ZNF366: variants seen among roughly 807,000 people sequenced by gnomAD.
ZNF366 encodes the protein zinc finger protein 366, also known as dendritic cell-specific transcript protein.
In ZNF366, 20 loss-of-function variants were observed where a neutral mutation model predicts 47.2. The observed-to-expected ratio is 0.42, with a 90% CI of 0.30 to 0.62. ZNF366 has a LOEUF of 0.62. ZNF366 is among the 20% of genes least tolerant of loss of function. The pLI is 0.16. For synonymous variants in ZNF366, 421 were observed against 395.1 expected (o/e 1.07, Z -0.78); for missense variants, 987 against 976.3 (o/e 1.01, Z -0.15).
At chr5:72,451,224 G>A (rs1256981646) in intron 3 of ZNF366, among the ~76,000 whole-genome samples, 1 of 152,258 alleles carries the variant, frequency 6.6e-6, no homozygotes, top group Non-Finnish European at 1.5e-5. Context: ...CCACCAGCGT[G>A]CCCCCGCTTG....
At chr5:72,490,493 G>A (rs1034331190) in intron 1 of ZNF366, among the ~76,000 whole-genome samples, 4 of 152,168 alleles carry the variant, frequency 2.6e-5, no homozygotes, top group African/African-American at 9.7e-5. Flanking sequence ...CCTGGGAGAG[G>A]AGACATGCTG....
chr5:72,493,964 G>A (rs921125467), intron 1 of ZNF366, among the ~76,000 whole-genome samples: 3 of 138,540 alleles, frequency 2.2e-5, no homozygotes, highest in Non-Finnish European at 3.1e-5. Context: ...GTAGAGGTGG[G>A]GTTTCACCAT....
At chr5:72,450,847 C>T (rs569238192) in intron 3 of ZNF366, among the ~76,000 whole-genome samples, 8 of 152,282 alleles carry the variant, frequency 5.3e-5, no homozygotes, top group Middle Eastern at 3.4e-3. Flanking sequence ...AGAGAGAAAC[C>T]TCTCACACAC....
chr5:72,454,570 C>A (rs1438118181), intron 3 of ZNF366, among the ~76,000 whole-genome samples: 1 of 152,184 alleles, frequency 6.6e-6, no homozygotes, highest in Non-Finnish European at 1.5e-5. Context: ...GATGGCTGAA[C>A]TTGACAGATG....
At chr5:72,504,794 A>C (rs1440837839) in intron 1 of ZNF366, among the ~76,000 whole-genome samples, 1 of 152,260 alleles carries the variant, frequency 6.6e-6, no homozygotes, top group Non-Finnish European at 1.5e-5. Context: ...GACTCCTACT[A>C]CTTGCCAAAC....
chr5:72,449,116 T>C (rs1743013207), intron 3 of ZNF366, among the ~76,000 whole-genome samples: 1 of 152,232 alleles, frequency 6.6e-6, no homozygotes, highest in Non-Finnish European at 1.5e-5. Context: ...GATAGATGAC[T>C]CTTTTATTCT....
At chr5:72,476,125 A>T (rs1239527402) in intron 1 of ZNF366, among the ~76,000 whole-genome samples, 1 of 152,016 alleles carries the variant, frequency 6.6e-6, no homozygotes, top group Non-Finnish European at 1.5e-5. Flanking sequence ...GCCCCACTAG[A>T]TCCTAAGTTT....
At chr5:72,481,371 TTAA>T (rs1743787259) in intron 1 of ZNF366, among the ~76,000 whole-genome samples, 1 of 151,812 alleles carries the variant, frequency 6.6e-6, no homozygotes, top group African/African-American at 2.4e-5. Context: ...AGTTACTGTG[TTAA>T]TATTTTGGTC....
At chr5:72,501,472 C>G (rs1363198516) in intron 1 of ZNF366, among the ~76,000 whole-genome samples, 1 of 152,178 alleles carries the variant, frequency 6.6e-6, no homozygotes, top group Non-Finnish European at 1.5e-5. Flanking sequence ...TTTAGATTTG[C>G]CACTTTAAAT....
intron 2 of ZNF366, among the ~76,000 whole-genome samples, chr5:72,457,744 C>T (rs1580235529): frequency 6.6e-6 from 1 of 152,226 alleles, no homozygotes; most frequent in South Asian, 2.1e-4. Context: ...TTAGTGAAGG[C>T]TTCTCATCAC....
At chr5:72,470,360 G>T (rs947208515) in intron 1 of ZNF366, among the ~76,000 whole-genome samples, 1 of 152,154 alleles carries the variant, frequency 6.6e-6, no homozygotes, top group Non-Finnish European at 1.5e-5. Flanking sequence ...CCGCCATATT[G>T]CTGCAAGATT....
Position 72,464,688 on chromosome 5 carries a change from T to C in ZNF366, c.-14-3178A>G, listed in dbSNP as rs193020187. ...TAATTTCCCCCAGTTTCTGTGTGTATGTATAATGATTCTCCCACCCTTAAA... is the reference window on the plus strand; with the variant it reads ...TAATTTCCCCCAGTTTCTGTGTGTACGTATAATGATTCTCCCACCCTTAAA... On this transcript the variant is annotated intron_variant, in intron 1 of 4. Transcript: ENST00000318442. Among the ~76,000 whole-genome samples the C allele has an allele frequency of 7.2e-4, 109 of 152,340 alleles. 1 individual carries two copies. The highest frequency in any genetic ancestry group is 2.5e-3 in the African/African-American group (104 of 41,574).
chr5:72,446,407 C>A (rs552269099), intron 4 of ZNF366, among the ~76,000 whole-genome samples: 1 of 152,200 alleles, frequency 6.6e-6, no homozygotes, highest in African/African-American at 2.4e-5. Context: ...TCTGCCGCTG[C>A]GTGTAGTTCA....
chr5:72,446,612 C>A (rs1742964021), intron 4 of ZNF366, among the ~76,000 whole-genome samples: 1 of 152,096 alleles, frequency 6.6e-6, no homozygotes, highest in African/African-American at 2.4e-5. Flanking sequence ...AGGTGTAAAC[C>A]CCTGCTCTGC....
At chr5:72,457,535 T>C (rs569552744) in intron 2 of ZNF366, among the ~76,000 whole-genome samples, 1 of 152,306 alleles carries the variant, frequency 6.6e-6, no homozygotes, top group Non-Finnish European at 1.5e-5. Flanking sequence ...CTGGTATTCA[T>C]AGTGGCTGAA....
chr5:72,472,793 G>A (rs1030969406), intron 1 of ZNF366, among the ~76,000 whole-genome samples: 14 of 152,094 alleles, frequency 9.2e-5, no homozygotes, highest in Admixed American at 7.2e-4. Flanking sequence ...GTCCTTCCCC[G>A]GGGCCCTAAT....
In ZNF366 at chr5:72,460,347, G is replaced by A. The variant is rs370360600; in HGVS notation, c.1150C>T (p.Leu384Phe). The A allele has an allele frequency of 9.3e-6, 15 of 1,614,122 alleles. No individual in the cohort carries two copies. In the African/African-American group the frequency reaches 1.7e-4, roughly 19 times the overall value. The change falls in exon 2 of 5, where the codon CTC becomes TTC. Residue 384 changes from leucine to phenylalanine, a missense_variant. Leu to Phe is a conservative substitution (Grantham distance 22). Transcript: ENST00000318442. ...TGGATGGGGCCCCGGTGCGTGGTGAGGTGTCTCTTCAGCTGGGCCAAGGTG... is the reference window on the plus strand; with the variant it reads ...TGGATGGGGCCCCGGTGCGTGGTGAAGTGTCTCTTCAGCTGGGCCAAGGTG... ...FPTLAQLKRH[L>F]TTHRGPIQYN...
At chr5:72,454,438 AC>A (rs1241771502) in intron 3 of ZNF366, among the ~76,000 whole-genome samples, 3 of 152,084 alleles carry the variant, frequency 2.0e-5, no homozygotes, top group Non-Finnish European at 4.4e-5. Flanking sequence ...ATGCCTTTGT[AC>A]CCTCAAACCA....
intron 1 of ZNF366, among the ~76,000 whole-genome samples, chr5:72,471,758 C>A (rs565792403): frequency 6.6e-6 from 1 of 152,290 alleles, no homozygotes; most frequent in South Asian, 2.1e-4. Flanking sequence ...AACACTCAGA[C>A]AAAATTAGAC....
Sources: gnomAD v4.1 joint callset for allele counts (sites outside exome capture counted in the v4.1 genomes callset) on GRCh38, gnomAD v4.1.1 for gene constraint, MANE v1.5 for transcripts, NCBI Gene and HGNC (gene_info 2026-07-23, HGNC 2026-07-21) for gene names.